The following PCDHB13 variants were observed in gnomAD, a reference collection of about 807,000 sequenced individuals.
PCDHB13 encodes protocadherin beta-13.
For synonymous variants in PCDHB13, 515 were observed against 450.7 expected, an observed-to-expected ratio of 1.14 and a Z score of -1.81; for missense variants, 1,065 against 1,016.7, an observed-to-expected ratio of 1.05 and a Z score of -0.65.
In PCDHB13 at chr5:141,214,623, A is replaced by T; in HGVS notation, c.500A>T (p.Asn167Ile). ...GAAGACTTAGATGTAGGCCAAAACA[A>T]TATTGAGAACTATATAATCAGCCCC... Reference protein sequence around the residue: ...NAEDLDVGQNNIENYIISPNS... With the variant: ...NAEDLDVGQNIIENYIISPNS... The change falls in exon 1 of 1, where the codon AAT becomes ATT. Residue 167 changes from asparagine to isoleucine, a missense_variant. Transcript: ENST00000341948. 1 of 1,614,186 alleles carries T rather than the reference A, an allele frequency of 6.2e-7. No homozygotes were observed. Among genetic ancestry groups the T allele is most frequent in the Non-Finnish European group, 8.5e-7 (1 of 1,180,048 alleles).
chr5:141,215,068 C>T lies in PCDHB13; in HGVS notation c.945C>T (p.Ser315=). The T allele has an allele frequency of 6.2e-7, 1 of 1,614,114 alleles. No homozygotes were observed. The highest frequency in any genetic ancestry group is 8.5e-7 in the Non-Finnish European group (1 of 1,180,016). ...AACTCGATTTCGAAAAACTTCAGTCCTATGAAGTCAATATTGAGGCAAGAG... is the reference window on the plus strand; with the variant it reads ...AACTCGATTTCGAAAAACTTCAGTCTTATGAAGTCAATATTGAGGCAAGAG... ...KKQLDFEKLQ[S]YEVNIEARDA... Residue 315 remains serine, a synonymous_variant, in exon 1 of 1, where the codon TCC becomes TCT. Coordinates refer to ENST00000341948, the MANE Select transcript of PCDHB13 (RefSeq NM_018933.4).
rs1754624271 is a variant in PCDHB13, at chr5:141,216,650, C to A, written c.*130C>A. ...CTTGATTTTTCTCATGTTCTTTCTC[C>A]CTTTGTTTTAAAGTGAACATTTACC... On this transcript the variant is annotated 3_prime_UTR_variant, in exon 1 of 1. Coordinates refer to ENST00000341948, the MANE Select transcript of PCDHB13 (RefSeq NM_018933.4). 1.1e-6 allele frequency: 1 copy of A among 897,740 alleles called. No individual in the cohort carries two copies. Among genetic ancestry groups the A allele is most frequent in the Non-Finnish European group, 1.9e-6 (1 of 532,554 alleles). The allele number at this position is 897,740 out of a possible 1,614,324, so 55.6% of individuals were successfully genotyped here. A position where few individuals can be genotyped will look rare whatever the true frequency, so the allele number is the denominator to read the frequency against.
Position 141,215,456 on chromosome 5 carries a change from A to G in PCDHB13, c.1333A>G (p.Asn445Asp), listed in dbSNP as rs1554287914. Residue 445 changes from asparagine to aspartate, a missense_variant, in exon 1 of 1, where the codon AAT (asparagine) becomes GAT (aspartate). Coordinates refer to ENST00000341948, the MANE Select transcript of PCDHB13 (RefSeq NM_018933.4). ...TATGACCGTGCTGATCGCCGATGTC[A>G]ATGACAACGCTCCCGCCTTCACCCA... The part of the protein sequence containing the change: ...LNMTVLIADV[N>D]DNAPAFTQTS... 2 of 1,614,120 alleles carry G rather than the reference A, an allele frequency of 1.2e-6. No individual in the cohort carries two copies. Among genetic ancestry groups the G allele is most frequent in the South Asian group, 2.2e-5 (2 of 91,074 alleles).
At position 141,215,507 on chromosome 5, in the gene PCDHB13, G is replaced by C. The variant is rs1554287936; in HGVS notation, c.1384G>C (p.Glu462Gln). 1.2e-6 allele frequency: 2 copies of C among 1,614,024 alleles called. No homozygotes were observed. Among genetic ancestry groups the C allele is most frequent in the South Asian group, 1.1e-5 (1 of 91,068 alleles). Residue 462 changes from glutamate (E) to glutamine (Q), a missense_variant, in exon 1 of 1, where the codon GAG becomes CAG. Glu to Gln is a conservative substitution (Grantham distance 29). Coordinates refer to ENST00000341948, the MANE Select transcript of PCDHB13 (RefSeq NM_018933.4). ...TQTSYTLFVRENNSPALHIRS... is the reference protein window; with the variant it reads ...TQTSYTLFVRQNNSPALHIRS... ...AACCTCCTACACCCTGTTCGTCCGC[G>C]AGAACAACAGCCCCGCCCTGCACAT...
At position 141,216,210 on chromosome 5, in the gene PCDHB13, C is replaced by T. The variant is rs781786880; in HGVS notation, c.2087C>T (p.Ser696Leu). The change falls in exon 1 of 1, where the codon TCG (serine) becomes TTG (leucine). Residue 696 changes from serine (S) to leucine (L), a missense_variant. Coordinates refer to ENST00000341948, the MANE Select transcript of PCDHB13 (RefSeq NM_018933.4). Reference sequence around the variant, plus strand: ...GTCTACCTGGTGGTGGCGTTGGCCTCGGTGTCTTCGCTCTTCCTCTTTTCG... The same window carrying T: ...GTCTACCTGGTGGTGGCGTTGGCCTTGGTGTCTTCGCTCTTCCTCTTTTCG... ...LTVYLVVALASVSSLFLFSVL... is the reference protein window; with the variant it reads ...LTVYLVVALALVSSLFLFSVL... 1.5e-5 allele frequency: 24 copies of T among 1,612,664 alleles called. No homozygotes were observed. Among genetic ancestry groups the T allele is most frequent in the Non-Finnish European group, 1.9e-5 (23 of 1,179,868 alleles).
chr5:141,216,668 C>A lies in PCDHB13; in HGVS notation c.*148C>A. The A allele has an allele frequency of 1.2e-6, 1 of 805,740 alleles. No homozygotes were observed. The highest frequency in any genetic ancestry group is 2.2e-6 in the Non-Finnish European group (1 of 457,646). 49.9% of individuals were successfully genotyped at this position (805,740 alleles called of 1,614,324 possible). A position where few individuals can be genotyped will look rare whatever the true frequency, so the allele number is the denominator to read the frequency against. Reference sequence around the variant, plus strand: ...CTTTCTCCCTTTGTTTTAAAGTGAACATTTACCTTTATTCCTGGTTCTTAA... The same window carrying A: ...CTTTCTCCCTTTGTTTTAAAGTGAAAATTTACCTTTATTCCTGGTTCTTAA... On this transcript the variant is annotated 3_prime_UTR_variant, in exon 1 of 1. Coordinates refer to ENST00000341948, the MANE Select transcript of PCDHB13 (RefSeq NM_018933.4).
chr5:141,218,384 A>G lies in PCDHB13; in HGVS notation c.*1864A>G, dbSNP rs1243138007. 1 of 166,996 alleles carries G rather than the reference A, an allele frequency of 6.0e-6. No individual in the cohort carries two copies. The highest frequency in any genetic ancestry group is 1.5e-5 in the Non-Finnish European group (1 of 68,120). The allele number at this position is 166,996 out of a possible 1,614,324, so 10.3% of individuals were successfully genotyped here. ...CCTAATGTTTATACTTCTGACTCAGATTTCACTACTGGTTCTGTTGAGCTT... is the reference window on the plus strand; with the variant it reads ...CCTAATGTTTATACTTCTGACTCAGGTTTCACTACTGGTTCTGTTGAGCTT... On this transcript the variant is annotated 3_prime_UTR_variant, in exon 1 of 1. Coordinates refer to ENST00000341948, the MANE Select transcript of PCDHB13 (RefSeq NM_018933.4).
At position 141,216,304 on chromosome 5, in the gene PCDHB13, G is replaced by T. The variant is rs782670451; in HGVS notation, c.2181G>T (p.Val727=). The part of the protein sequence containing the change: ...SRAASVGRCL[V]PEGPLPGHLV... ...CGGCCTCGGTGGGTCGCTGCTTGGT[G>T]CCCGAGGGCCCCCTTCCAGGGCATC... Residue 727 remains valine (V), a synonymous_variant, in exon 1 of 1, where the codon GTG becomes GTT. Coordinates refer to ENST00000341948, the MANE Select transcript of PCDHB13 (RefSeq NM_018933.4). 8 of 1,613,900 alleles carry T rather than the reference G, an allele frequency of 5.0e-6. No individual in the cohort carries two copies. The highest frequency in any genetic ancestry group is 1.7e-4 in the Middle Eastern group (1 of 6,018).
chr5:141,215,626 A>T lies in PCDHB13; in HGVS notation c.1503A>T (p.Thr501=). The T allele has an allele frequency of 1.2e-6, 2 of 1,613,264 alleles. No homozygotes were observed. Among genetic ancestry groups the T allele is most frequent in the South Asian group, 1.1e-5 (1 of 91,036 alleles). The change falls in exon 1 of 1, where the codon ACA becomes ACT. Residue 501 remains threonine (T), a synonymous_variant. Coordinates refer to ENST00000341948, the MANE Select transcript of PCDHB13 (RefSeq NM_018933.4). ...CCCAGGACCCGCACCTGCCCCTCAC[A>T]TCCCTGGTCTCCATCAACGCGGACA... ...LPPQDPHLPL[T]SLVSINADNG... is the part of the protein sequence containing the mutation.
Position 141,217,857 on chromosome 5 carries a change from G to T in PCDHB13, c.*1337G>T, listed in dbSNP as rs138610647. ...CAAGCATGTGTATGAGAGAGAGAGA[G>T]AAAGCATGGAAAAGAGGAAATTCAT... On this transcript the variant is annotated 3_prime_UTR_variant, in exon 1 of 1. Coordinates refer to ENST00000341948, the MANE Select transcript of PCDHB13 (RefSeq NM_018933.4). 4 of 167,134 alleles carry T rather than the reference G, an allele frequency of 2.4e-5. No individual in the cohort carries two copies. In the East Asian group the frequency reaches 7.7e-4, roughly 32 times the overall value. 10.4% of individuals were successfully genotyped at this position (167,134 alleles called of 1,614,324 possible). A position where few individuals can be genotyped will look rare whatever the true frequency, so the allele number is the denominator to read the frequency against.
chr5:141,216,200 G>T lies in PCDHB13; in HGVS notation c.2077G>T (p.Ala693Ser). ...CTTGCTCACCGTCTACCTGGTGGTG[G>T]CGTTGGCCTCGGTGTCTTCGCTCTT... Reference protein sequence around the residue: ...ADLLTVYLVVALASVSSLFLF... With the variant: ...ADLLTVYLVVSLASVSSLFLF... Residue 693 changes from alanine (A) to serine (S), a missense_variant, in exon 1 of 1, where the codon GCG becomes TCG. Physicochemically the swap from Ala to Ser is moderately conservative, Grantham distance 99. Coordinates refer to ENST00000341948, the MANE Select transcript of PCDHB13 (RefSeq NM_018933.4). The T allele has an allele frequency of 6.2e-7, 1 of 1,612,584 alleles. No individual in the cohort carries two copies. The highest frequency in any genetic ancestry group is 8.5e-7 in the Non-Finnish European group (1 of 1,179,890).
Position 141,214,623 on chromosome 5 carries a change from A to AAAT in PCDHB13, c.500_501insAAT (p.Asn167delinsLysIle), listed in dbSNP as rs782660489. 2.5e-6 allele frequency: 4 copies of AAAT among 1,614,186 alleles called. No homozygotes were observed. In the South Asian group the frequency reaches 4.4e-5, roughly 18 times the overall value. On this transcript the variant is annotated protein_altering_variant, in exon 1 of 1. Coordinates refer to ENST00000341948, the MANE Select transcript of PCDHB13 (RefSeq NM_018933.4). Reference sequence around the variant, plus strand: ...GAAGACTTAGATGTAGGCCAAAACAATATTGAGAACTATATAATCAGCCCC... The same window carrying AAAT: ...GAAGACTTAGATGTAGGCCAAAACAAAATTATTGAGAACTATATAATCAGCCCC...
In PCDHB13 at chr5:141,214,090, C is replaced by T. The variant is rs1754515791; in HGVS notation, c.-34C>T. On this transcript the variant is annotated 5_prime_UTR_variant, in exon 1 of 1. Coordinates refer to ENST00000341948, the MANE Select transcript of PCDHB13 (RefSeq NM_018933.4). ...CTGGGGACTTTACAGTCCCACAGAA[C>T]CGTCCTCCCAGGAAGCTGAATCCAG... 6.2e-7 allele frequency: 1 copy of T among 1,613,966 alleles called. No individual in the cohort carries two copies. The highest frequency in any genetic ancestry group is 1.7e-5 in the Admixed American group (1 of 59,984).
rs149312487 is a variant in PCDHB13 at position 141,215,980 on chromosome 5, G to C, written c.1857G>C (p.Ala619=). 6.2e-7 allele frequency: 1 copy of C among 1,607,052 alleles called. No individual in the cohort carries two copies. The part of the protein sequence containing the change: ...ATELGLFGVW[A]HNGEVRTARL... Reference sequence around the variant, plus strand: ...AGCTCGGTCTGTTCGGCGTGTGGGCGCACAATGGCGAGGTGCGCACCGCCA... The same window carrying C: ...AGCTCGGTCTGTTCGGCGTGTGGGCCCACAATGGCGAGGTGCGCACCGCCA... The change falls in exon 1 of 1, where the codon GCG becomes GCC. Residue 619 remains alanine (A), a synonymous_variant. Coordinates refer to ENST00000341948, the MANE Select transcript of PCDHB13 (RefSeq NM_018933.4).
At position 141,214,091 on chromosome 5, in the gene PCDHB13, C is replaced by T. The variant is rs782304344; in HGVS notation, c.-33C>T. ...TGGGGACTTTACAGTCCCACAGAAC[C>T]GTCCTCCCAGGAAGCTGAATCCAGC... is the stretch of plus-strand genomic sequence containing the variant. On this transcript the variant is annotated 5_prime_UTR_variant, in exon 1 of 1. Coordinates refer to ENST00000341948, the MANE Select transcript of PCDHB13 (RefSeq NM_018933.4). The T allele has an allele frequency of 5.0e-6, 8 of 1,614,028 alleles. No homozygotes were observed. In the South Asian group the frequency reaches 6.6e-5, roughly 13 times the overall value.
chr5:141,216,171 C>G lies in PCDHB13; in HGVS notation c.2048C>G (p.Ala683Gly). Residue 683 changes from alanine (A) to glycine (G), a missense_variant, in exon 1 of 1, where the codon GCC becomes GGC. Transcript: ENST00000341948. ...GAGGCGGCCCCGACCCAGGCCCAGG[C>G]CGACTTGCTCACCGTCTACCTGGTG... ...LPEAAPTQAQ[A>G]DLLTVYLVVA... 1 of 1,612,228 alleles carries G rather than the reference C, an allele frequency of 6.2e-7. No homozygotes were observed. Among genetic ancestry groups the G allele is most frequent in the Non-Finnish European group, 8.5e-7 (1 of 1,179,844 alleles).
chr5:141,216,349 C>T lies in PCDHB13; in HGVS notation c.2226C>T (p.Thr742=). 6.2e-7 allele frequency: 1 copy of T among 1,614,174 alleles called. No homozygotes were observed. The highest frequency in any genetic ancestry group is 8.5e-7 in the Non-Finnish European group (1 of 1,180,048). ...GGCATCTTGTGGACATGAGCGGCAC[C>T]AGGACCCTATCCCAGAGCTACCAGT... ...LPGHLVDMSG[T]RTLSQSYQYE... is the part of the protein sequence containing the mutation. The change falls in exon 1 of 1, where the codon ACC becomes ACT. Residue 742 remains threonine (T), a synonymous_variant. Transcript: ENST00000341948.
Position 141,214,775 on chromosome 5 carries a change from G to A in PCDHB13, c.652G>A (p.Gly218Ser), listed in dbSNP as rs781987428. 17 of 1,614,158 alleles carry A rather than the reference G, an allele frequency of 1.1e-5. No homozygotes were observed. The Middle Eastern group carries it at 6.6e-4, about 63-fold the overall frequency. ...CAGGTTAACACTCACAGCACTGGAT[G>A]GTGGCTCTCCGCCCAGATCTGGCAC... Reference protein sequence around the residue: ...ELRLTLTALDGGSPPRSGTAQ... With the variant: ...ELRLTLTALDSGSPPRSGTAQ... Residue 218 changes from glycine to serine, a missense_variant, in exon 1 of 1, where the codon GGT (glycine) becomes AGT (serine). Transcript: ENST00000341948.
chr5:141,214,702 A>G lies in PCDHB13; in HGVS notation c.579A>G (p.Pro193=), dbSNP rs1554287685. The G allele has an allele frequency of 1.9e-6, 3 of 1,614,136 alleles. No individual in the cohort carries two copies. Among genetic ancestry groups the G allele is most frequent in the Non-Finnish European group, 2.5e-6 (3 of 1,180,000 alleles). The change falls in exon 1 of 1, where the codon CCA becomes CCG. Residue 193 remains proline, a synonymous_variant. Coordinates refer to ENST00000341948, the MANE Select transcript of PCDHB13 (RefSeq NM_018933.4). ...AACGCAGTGATGGCAGGAAATACCC[A>G]GAGCTGGTGCTGGACAAAGCGCTGG... ...TRKRSDGRKY[P]ELVLDKALDR...
Sources: gnomAD v4.1 joint callset for allele counts on GRCh38, gnomAD v4.1.1 for gene constraint, MANE v1.5 for transcripts, NCBI Gene and HGNC (gene_info 2026-07-23, HGNC 2026-07-21) for gene names.